The following PDZD2 variants were observed in gnomAD, a reference collection of about 807,000 sequenced individuals.
PDZD2 encodes the protein PDZ domain-containing protein 2.
A neutral mutation model predicts 220.7 loss-of-function variants in PDZD2; 90 were observed. The ratio of observed to expected loss-of-function variants is 0.41; its 90% CI spans 0.34 to 0.49. The LOEUF is 0.49. PDZD2 is among the 20% of genes least tolerant of loss of function. The pLI, the probability that PDZD2 is intolerant of heterozygous loss-of-function variation, is 0.28. For synonymous variants in PDZD2, 1,375 were observed against 1,450.5 expected (o/e 0.95, Z 1.18); for missense variants, 3,174 against 3,608.5 (o/e 0.88, Z 3.08).
chr5:31,864,291 T>A (rs1737989915), intron 2 of PDZD2, among the ~76,000 whole-genome samples: 1 of 152,174 alleles, frequency 6.6e-6, no homozygotes, highest in Non-Finnish European at 1.5e-5. Context: ...CAGTTTCCCT[T>A]CTGTTGTTGC....
chr5:31,744,178 T>G lies in PDZD2; in HGVS notation c.-360-54711T>G, dbSNP rs2150169870. On this transcript the variant is annotated intron_variant, in intron 1 of 24. Coordinates refer to ENST00000438447, the MANE Select transcript of PDZD2 (RefSeq NM_178140.4). ...ATTGAACCATGAAGTCTGGTCCTTT[T>G]AAGGTCTATGGCTTGGTTGTTGATT... is the stretch of plus-strand genomic sequence containing the variant. 1.3e-5 allele frequency: 2 copies of G among 152,342 alleles called. 1 individual carries two copies. The allele number at this position is 152,342 out of a possible 1,614,324, so 9.4% of individuals were successfully genotyped here.
At position 31,694,825 on chromosome 5, in the gene PDZD2, A is replaced by G. The variant is rs139117105; in HGVS notation, c.-361+55388A>G. Among the ~76,000 whole-genome samples the G allele has an allele frequency of 2.4e-3, 351 of 145,248 alleles. 10 individuals carry two copies. The East Asian group carries it at 0.07, about 29-fold the overall frequency. On this transcript the variant is annotated intron_variant, in intron 1 of 24. Coordinates refer to ENST00000438447, the MANE Select transcript of PDZD2 (RefSeq NM_178140.4). ...TTTTTTTTGTGAAAGCAAGTTTATTAAGAAAGTAAAGGAATAGGCTGGGTG... is the reference window on the plus strand; with the variant it reads ...TTTTTTTTGTGAAAGCAAGTTTATTGAGAAAGTAAAGGAATAGGCTGGGTG...
chr5:31,677,791 T>C (rs1746492867), intron 1 of PDZD2, among the ~76,000 whole-genome samples: 1 of 152,020 alleles, frequency 6.6e-6, no homozygotes, highest in African/African-American at 2.4e-5. Context: ...AATGCACTTA[T>C]ATATAATAAA....
At chr5:31,770,427 G>A (rs1479605881) in intron 1 of PDZD2, among the ~76,000 whole-genome samples, 1 of 152,210 alleles carries the variant, frequency 6.6e-6, no homozygotes, top group Admixed American at 6.5e-5. Context: ...TTGGAAGAGA[G>A]TATTTGGAGG....
chr5:31,699,780 T>C (rs1280034885), intron 1 of PDZD2, among the ~76,000 whole-genome samples: 2 of 133,966 alleles, frequency 1.5e-5, no homozygotes, highest in Non-Finnish European at 3.2e-5. Flanking sequence ...TTTTTTTGTT[T>C]GTTTTTTTTT....
intron 1 of PDZD2, among the ~76,000 whole-genome samples, chr5:31,712,455 T>C (rs1748177703): frequency 4.8e-5 from 1 of 20,932 alleles, no homozygotes; most frequent in African/African-American, 6.5e-4. Context: ...GGCCTGCCTC[T>C]CTCTCTCTCT....
At chr5:32,077,660 T>C (rs1355669152) in intron 19 of PDZD2, 54 bp downstream of exon 19, 1 of 1,582,138 alleles carries the variant, frequency 6.3e-7, no homozygotes, top group East Asian at 2.2e-5. Context: ...GATACCCTAA[T>C]GAAAGCATTA....
chr5:32,090,667 G>T lies in PDZD2; in HGVS notation c.7219G>T (p.Ala2407Ser). The change falls in exon 20 of 25, where the codon GCC becomes TCC. Residue 2407 changes from alanine (A) to serine (S), a missense_variant. Transcript: ENST00000438447. The surrounding 1 kb of genome is among the most constrained non-coding windows in gnomAD (Gnocchi z 4.3). ...TTCCTGCAGCGAAAACCAAAGCGAA[G>T]CCGGCACCCTCCTGCCCCAGATGGC... ...LSSCSENQSEAGTLLPQMAKS... is the reference protein window; with the variant it reads ...LSSCSENQSESGTLLPQMAKS... 1 of 1,614,098 alleles carries T rather than the reference G, an allele frequency of 6.2e-7. No homozygotes were observed.
At chr5:31,811,140 A>G (rs779877716) in intron 2 of PDZD2, among the ~76,000 whole-genome samples, 27 of 152,316 alleles carry the variant, frequency 1.8e-4, no homozygotes, top group Non-Finnish European at 2.9e-4. Context: ...GGTGCACACC[A>G]TGCCCGGCTA....
intron 2 of PDZD2, among the ~76,000 whole-genome samples, chr5:31,934,074 T>A (rs995249602): frequency 6.6e-6 from 1 of 152,154 alleles, no homozygotes; most frequent in Admixed American, 6.5e-5. Flanking sequence ...GGATAACTGG[T>A]TTTACCATAG....
chr5:31,643,568 A>G (rs1194563494), intron 1 of PDZD2, among the ~76,000 whole-genome samples: 1 of 152,192 alleles, frequency 6.6e-6, no homozygotes, highest in Non-Finnish European at 1.5e-5. Flanking sequence ...AACCAGAACT[A>G]GAGTCACAAA....
At chr5:31,691,960 C>T (rs1330025043) in intron 1 of PDZD2, among the ~76,000 whole-genome samples, 2 of 152,262 alleles carry the variant, frequency 1.3e-5, no homozygotes, top group Admixed American at 1.3e-4. Context: ...CCCAGTGGAT[C>T]CCACACCAGG....
Position 31,921,860 on chromosome 5 carries a change from T to C in PDZD2, c.477-61295T>C, listed in dbSNP as rs570115093. On this transcript the variant is annotated intron_variant, in intron 2 of 24. Transcript: ENST00000438447. ...GGAGGATTACACTTTCTTAGTTAAA[T>C]ACAAACCAGAGAGGCTTTGCCCTAG... is the stretch of plus-strand genomic sequence containing the variant. Among the ~76,000 whole-genome samples, 5 of 152,302 alleles carry C rather than the reference T, an allele frequency of 3.3e-5. 1 individual carries two copies. The East Asian group carries it at 7.7e-4, about 23-fold the overall frequency.
intron 2 of PDZD2, among the ~76,000 whole-genome samples, chr5:31,863,669 T>C (rs376278212): frequency 6.6e-6 from 1 of 152,238 alleles, no homozygotes; most frequent in East Asian, 1.9e-4. Context: ...GAGACAATTT[T>C]GTCTGGTTAG....
intron 2 of PDZD2, among the ~76,000 whole-genome samples, chr5:31,825,711 C>T (rs137897684): frequency 5.9e-5 from 9 of 152,286 alleles, no homozygotes; most frequent in Non-Finnish European, 1.0e-4. Flanking sequence ...GTTTATTCCA[C>T]GGTAGTGAGC....
intron 2 of PDZD2, chr5:31,847,182 G>C (rs1180404841): frequency 6.0e-6 from 1 of 167,306 alleles, no homozygotes; most frequent in African/African-American, 2.4e-5. Context: ...ATTATTGTAA[G>C]GCTCTTTGGG....
chr5:32,053,898 C>G lies in PDZD2; in HGVS notation c.1900+15C>G, dbSNP rs780260933. ...ACTTAAAGAAGGTAGGGGAAAGCCT[C>G]TTGTATCCTCAGTGACAGTGACTTT... On this transcript the variant is annotated intron_variant, in intron 10 of 24. Transcript: ENST00000438447. 6 of 1,368,600 alleles carry G rather than the reference C, an allele frequency of 4.4e-6. No homozygotes were observed. In the African/African-American group the frequency reaches 8.5e-5, roughly 19 times the overall value. The allele number at this position is 1,368,600 out of a possible 1,614,324, so 84.8% of individuals were successfully genotyped here.
At chr5:31,694,922 G>A (rs527757821) in intron 1 of PDZD2, among the ~76,000 whole-genome samples, 1 of 151,838 alleles carries the variant, frequency 6.6e-6, no homozygotes, top group Non-Finnish European at 1.5e-5. Context: ...TTAGGACTTC[G>A]AGACCAGCCT....
chr5:31,909,436 AG>A (rs1742980353), intron 2 of PDZD2, among the ~76,000 whole-genome samples: 1 of 152,206 alleles, frequency 6.6e-6, no homozygotes, highest in Admixed American at 6.5e-5. Flanking sequence ...TAATTTGGGG[AG>A]CAGGGACATG....
Sources: gnomAD v4.1 joint callset for allele counts (sites outside exome capture counted in the v4.1 genomes callset) on GRCh38, gnomAD v4.1.1 for gene constraint, Gnocchi (gnomAD v3.1) non-coding constraint, MANE v1.5 for transcripts, NCBI Gene and HGNC (gene_info 2026-07-23, HGNC 2026-07-21) for gene names.